Variants in NPTN observed in about 807,000 individuals in gnomAD.
The protein encoded by NPTN is SDR-1.
NPTN carries 5 observed loss-of-function variants against 42.7 expected under a neutral mutation model. The ratio of observed to expected loss-of-function variants is 0.12; its 90% CI spans 0.06 to 0.25. The LOEUF (loss-of-function observed/expected upper bound fraction) is 0.25, where lower values mean the gene tolerates loss of function less well. Among genes scored for constraint, NPTN ranks in the 10% least tolerant of loss-of-function variants. The probability of loss-of-function intolerance (pLI) is 1.00; values close to 1 mark genes in which losing one functional copy is unlikely to be tolerated. For missense variants in NPTN, 307 were observed against 525.4 expected, an observed-to-expected ratio of 0.58 and a Z score of 4.06; for synonymous variants, 180 against 201.9, an observed-to-expected ratio of 0.89 and a Z score of 0.92.
chr15:73,616,239 A>T (rs1897856310), intron 1 of NPTN, among the ~76,000 whole-genome samples: 1 of 152,164 alleles, frequency 6.6e-6, no homozygotes, highest in Admixed American at 6.5e-5. Context: ...AAACACTCTT[A>T]TGCAAAAACT....
chr15:73,593,839 G>A (rs907198067), intron 2 of NPTN, among the ~76,000 whole-genome samples: 2 of 152,182 alleles, frequency 1.3e-5, no homozygotes, highest in African/African-American at 4.8e-5. Context: ...TACAGATAAT[G>A]GAGGCATAGC....
At chr15:73,574,579 AT>A (rs1895585995) in intron 4 of NPTN, among the ~76,000 whole-genome samples, 1 of 152,178 alleles carries the variant, frequency 6.6e-6, no homozygotes, top group South Asian at 2.1e-4. Flanking sequence ...CACCTGGTTA[AT>A]TTTTAAATTT....
intron 1 of NPTN, among the ~76,000 whole-genome samples, chr15:73,631,567 C>A (rs1026716425): frequency 1.3e-5 from 2 of 152,104 alleles, no homozygotes; most frequent in African/African-American, 4.8e-5. Flanking sequence ...CATTTTAAAC[C>A]CAGTTTCTCA....
At chr15:73,611,847 G>C in intron 1 of NPTN, among the ~76,000 whole-genome samples, 1 of 152,056 alleles carries the variant, frequency 6.6e-6, no homozygotes, top group Non-Finnish European at 1.5e-5. Flanking sequence ...TGTGTGTGGG[G>C]ACAGGGGGTA....
intron 1 of NPTN, among the ~76,000 whole-genome samples, chr15:73,604,457 CAAAG>C (rs1028171485): frequency 1.3e-5 from 2 of 151,948 alleles, no homozygotes; most frequent in Admixed American, 1.3e-4. Context: ...CCTGTCTCAA[CAAAG>C]AAAGAAAACA....
intron 3 of NPTN, among the ~76,000 whole-genome samples, chr15:73,590,346 C>T (rs1456928737): frequency 6.6e-6 from 1 of 152,134 alleles, no homozygotes; most frequent in African/African-American, 2.4e-5. Flanking sequence ...AAAAAAGAAG[C>T]AGCATTTTAT....
chr15:73,605,165 G>T (rs1032427158), intron 1 of NPTN, among the ~76,000 whole-genome samples: 4 of 150,598 alleles, frequency 2.7e-5, no homozygotes, highest in Non-Finnish European at 5.9e-5. Context: ...CTCAAAAGCA[G>T]TGTGGAAGAA....
chr15:73,563,107 A>G, intron 7 of NPTN, 129 bp downstream of exon 7: 1 of 699,760 alleles, frequency 1.4e-6, no homozygotes, highest in Non-Finnish European at 2.5e-6. Context: ...AAGCTAAGAA[A>G]TCTACACTGC....
At chr15:73,579,277 C>CAA (rs112811114) in intron 4 of NPTN, among the ~76,000 whole-genome samples, 6 of 115,844 alleles carry the variant, frequency 5.2e-5, no homozygotes, top group Admixed American at 8.7e-5. Context: ...GACTCCGTCT[C>CAA]AAAAAAAAAA....
In NPTN at chr15:73,570,050, G is replaced by T; in HGVS notation, c.1114+100C>A. 8.5e-7 allele frequency: 1 copy of T among 1,172,838 alleles called. No individual in the cohort carries two copies. The highest frequency in any genetic ancestry group is 1.1e-6 in the Non-Finnish European group (1 of 872,716). 72.7% of individuals were successfully genotyped at this position (1,172,838 alleles called of 1,614,324 possible). ...TAAGAATTTTCCTTCTTTCCTTTAG[G>T]GATTGAATCCCAACATCCCTATAGT... On this transcript the variant is annotated intron_variant, in intron 6 of 8. Transcript: ENST00000345330. The surrounding 1 kb of genome is among the most constrained non-coding windows in gnomAD (Gnocchi z 4.0).
chr15:73,594,308 C>T (rs1253015264), intron 2 of NPTN, among the ~76,000 whole-genome samples: 1 of 152,108 alleles, frequency 6.6e-6, no homozygotes, highest in Non-Finnish European at 1.5e-5. Context: ...TTACCTGTGG[C>T]GATGCAAATG....
intron 6 of NPTN, among the ~76,000 whole-genome samples, chr15:73,564,222 C>CA (rs1894849590): frequency 6.6e-6 from 1 of 152,158 alleles, no homozygotes; most frequent in South Asian, 2.1e-4. Context: ...TTTTATTATA[C>CA]AAAAGTCAGG....
intron 6 of NPTN, chr15:73,567,392 T>C (rs2141353993): frequency 1.0e-6 from 1 of 985,432 alleles, no homozygotes; most frequent in South Asian, 4.7e-5. Flanking sequence ...ATCTGATAGG[T>C]AAACACTTAT....
chr15:73,567,301 G>A (rs1279648149), intron 6 of NPTN: 5 of 985,222 alleles, frequency 5.1e-6, no homozygotes, highest in Non-Finnish European at 4.8e-6. Flanking sequence ...ATTTGGCAAA[G>A]TAGAAGTATG....
intron 4 of NPTN, among the ~76,000 whole-genome samples, chr15:73,577,818 G>A (rs117540562): frequency 0.051 from 7,722 of 152,138 alleles, 207 homozygotes; most frequent in South Asian, 0.092. Flanking sequence ...CAAGAAGTCA[G>A]CTCTGACTCC....
chr15:73,603,677 T>A (rs941123428), intron 1 of NPTN, among the ~76,000 whole-genome samples: 1 of 152,186 alleles, frequency 6.6e-6, no homozygotes, highest in Non-Finnish European at 1.5e-5. Context: ...TCAAAAAAAA[T>A]TCTTTTAAAG....
rs1792690899 is a variant in NPTN, at chr15:73,560,687, TG to T, written c.*375del. ...TAGGTTTTGCTGTACTTTACAAAAGTGTATCACTAGATGGCAGCAGTGCATT... is the reference window on the plus strand; with the variant it reads ...TAGGTTTTGCTGTACTTTACAAAAGTTATCACTAGATGGCAGCAGTGCATT... On this transcript the variant is annotated 3_prime_UTR_variant, in exon 9 of 9. Coordinates refer to ENST00000345330, the MANE Select transcript of NPTN (RefSeq NM_012428.4). 1 of 151,272 alleles carries T rather than the reference TG, an allele frequency of 6.6e-6. No homozygotes were observed. Among genetic ancestry groups the T allele is most frequent in the Non-Finnish European group, 1.5e-5 (1 of 67,864 alleles). The allele number at this position is 151,272 out of a possible 1,614,324, so 9.4% of individuals were successfully genotyped here. A position where few individuals can be genotyped will look rare whatever the true frequency, so the allele number is the denominator to read the frequency against.
chr15:73,604,131 TA>T (rs1479639857), intron 1 of NPTN, among the ~76,000 whole-genome samples: 1 of 151,340 alleles, frequency 6.6e-6, no homozygotes, highest in East Asian at 1.9e-4. Flanking sequence ...TCTACAGGTT[TA>T]AAAAAAAGTC....
At chr15:73,567,494 G>C in intron 6 of NPTN, 1 of 985,322 alleles carries the variant, frequency 1.0e-6, no homozygotes, top group South Asian at 4.7e-5. Flanking sequence ...ATGAAAATTT[G>C]GGGAGAAGCA....
Sources: gnomAD v4.1 joint callset for allele counts (sites outside exome capture counted in the v4.1 genomes callset) on GRCh38, gnomAD v4.1.1 for gene constraint, Gnocchi (gnomAD v3.1) non-coding constraint, MANE v1.5 for transcripts, NCBI Gene and HGNC (gene_info 2026-07-23, HGNC 2026-07-21) for gene names.